DIAPH1: variants seen among roughly 807,000 people sequenced by gnomAD.
DIAPH1 encodes the protein diaphanous related formin 1.
Under a neutral mutation model 140.7 loss-of-function variants are expected in DIAPH1, and 46 were observed. The ratio of observed to expected loss-of-function variants is 0.33; its 90% confidence interval spans 0.26 to 0.42. DIAPH1 has a LOEUF of 0.42. Ranked by LOEUF, DIAPH1 falls within the 10% of genes least tolerant of loss-of-function variation. DIAPH1 has a pLI of 1.00. For missense variants in DIAPH1, 1,310 were observed against 1,558.7 expected (o/e 0.84, Z 2.69); for synonymous variants, 565 against 551.6 (o/e 1.02, Z -0.34).
At chr5:141,571,258 T>C (rs895736122) in intron 18 of DIAPH1, among the ~76,000 whole-genome samples, 170 bp downstream of exon 18, 1 of 152,224 alleles carries the variant, frequency 6.6e-6, no homozygotes, top group South Asian at 2.1e-4. Flanking sequence ...CCAAAGCTAT[T>C]GGTCATTTTG....
chr5:141,536,782 T>C (rs1562291093), intron 18 of DIAPH1, among the ~76,000 whole-genome samples: 1 of 151,980 alleles, frequency 6.6e-6, no homozygotes, highest in East Asian at 1.9e-4. Flanking sequence ...GATGTGTTGT[T>C]GAAGGAGGAG....
chr5:141,555,618 A>T (rs538372410), intron 18 of DIAPH1, among the ~76,000 whole-genome samples: 1 of 152,330 alleles, frequency 6.6e-6, no homozygotes, highest in East Asian at 1.9e-4. Flanking sequence ...CCTAAAAACA[A>T]CATCAAGGGC....
chr5:141,618,916 T>C lies in DIAPH1; in HGVS notation c.-2A>G, dbSNP rs1474390693. On this transcript the variant is annotated 5_prime_UTR_variant, in exon 1 of 28. Transcript: ENST00000389054. ...CAGGCTCCCGCCGGGCGGCTCCATG[T>C]CCCGGTTCACGCTGGCCGGCGACCC... 6.7e-7 allele frequency: 1 copy of C among 1,497,824 alleles called. No homozygotes were observed. The highest frequency in any genetic ancestry group is 8.9e-7 in the Non-Finnish European group (1 of 1,120,582). 92.8% of individuals were successfully genotyped at this position (1,497,824 alleles called of 1,614,324 possible).
At chr5:141,615,290 G>C (rs1240857251) in intron 1 of DIAPH1, among the ~76,000 whole-genome samples, 1 of 151,316 alleles carries the variant, frequency 6.6e-6, no homozygotes, top group African/African-American at 2.4e-5. Context: ...AAAATTAGCT[G>C]GGTGTGGCGG....
intron 1 of DIAPH1, among the ~76,000 whole-genome samples, chr5:141,614,049 G>A (rs1374559904): frequency 6.6e-6 from 1 of 152,124 alleles, no homozygotes; most frequent in Admixed American, 6.6e-5. Flanking sequence ...ATGCTTTGCT[G>A]GTAGCATAAA....
chr5:141,577,413 A>T, intron 12 of DIAPH1, 62 bp downstream of exon 12: 2 of 1,147,454 alleles, frequency 1.7e-6, no homozygotes, highest in Non-Finnish European at 1.3e-6. Flanking sequence ...CTTTGAATTT[A>T]AGGAATTCAC....
chr5:141,563,739 C>T (rs1254657174), intron 18 of DIAPH1: 1 of 152,194 alleles, frequency 6.6e-6, no homozygotes, highest in African/African-American at 2.4e-5. Context: ...TACAGGCACA[C>T]ACTAAAGCTG....
intron 1 of DIAPH1, among the ~76,000 whole-genome samples, chr5:141,603,217 C>T (rs2099900435): frequency 6.6e-6 from 1 of 152,200 alleles, no homozygotes; most frequent in African/African-American, 2.4e-5. Context: ...GCAGCTCCTC[C>T]ATTTGGTTCA....
chr5:141,575,166 G>C lies in DIAPH1; in HGVS notation c.1462-20C>G. ...GTCCAACTAGAGAAAAAACGAATCAGGCTCCCAGCAAGCTCTCCATCTCAG... is the reference window on the plus strand; with the variant it reads ...GTCCAACTAGAGAAAAAACGAATCACGCTCCCAGCAAGCTCTCCATCTCAG... On this transcript the variant is annotated intron_variant, in intron 14 of 27. Transcript: ENST00000389054. The C allele has an allele frequency of 6.2e-7, 1 of 1,613,764 alleles. No homozygotes were observed. Among genetic ancestry groups the C allele is most frequent in the Non-Finnish European group, 8.5e-7 (1 of 1,179,688 alleles).
intron 1 of DIAPH1, among the ~76,000 whole-genome samples, chr5:141,602,405 C>T (rs2099900288): frequency 6.6e-6 from 1 of 152,068 alleles, no homozygotes; most frequent in Non-Finnish European, 1.5e-5. Flanking sequence ...TTAGTAGAGA[C>T]GGGGTTTCAC....
intron 14 of DIAPH1, 78 bp downstream of exon 14, chr5:141,576,152 C>T (rs2099895937): frequency 1.6e-6 from 2 of 1,241,898 alleles, no homozygotes; most frequent in African/African-American, 1.5e-5. Flanking sequence ...CAGAGGAAAA[C>T]TGTCTCATAG....
At chr5:141,543,573 A>G (rs186331110) in intron 18 of DIAPH1, among the ~76,000 whole-genome samples, 25 of 152,334 alleles carry the variant, frequency 1.6e-4, no homozygotes, top group Admixed American at 5.2e-4. Flanking sequence ...TTTTGATTCA[A>G]AATTCATTAT....
At chr5:141,520,440 C>T (rs1173020231) in intron 27 of DIAPH1, among the ~76,000 whole-genome samples, 1 of 152,084 alleles carries the variant, frequency 6.6e-6, no homozygotes, top group Non-Finnish European at 1.5e-5. Flanking sequence ...GTGCCCTCCC[C>T]ACAGTAATGA....
chr5:141,545,952 T>G (rs2099890734), intron 18 of DIAPH1, among the ~76,000 whole-genome samples: 1 of 152,148 alleles, frequency 6.6e-6, no homozygotes, highest in Non-Finnish European at 1.5e-5. Context: ...TATAGTAAGA[T>G]CCTAATTTTA....
At chr5:141,605,697 A>C (rs72792327) in intron 1 of DIAPH1, among the ~76,000 whole-genome samples, 3,572 of 152,286 alleles carry the variant, frequency 0.023, 56 homozygotes, top group East Asian at 0.046. Context: ...GTGTCCTCCT[A>C]ATTTTAAGAG....
chr5:141,544,951 G>C (rs2099890561), intron 18 of DIAPH1, among the ~76,000 whole-genome samples: 1 of 152,152 alleles, frequency 6.6e-6, no homozygotes, highest in African/African-American at 2.4e-5. Flanking sequence ...GTATGCAAAC[G>C]TTTCTATCAG....
chr5:141,573,783 TGG>T lies in DIAPH1; in HGVS notation c.2065_2066del (p.Pro689ThrfsTer85). ...PPLPGSARIP[P>X]PPPPLPGSAG... is the part of the protein sequence containing the mutation. ...CACTCCCAGGCAAAGGAGGTGGTGG[TGG>T]GGGGATTCTAGCACTCCCAGGCAAA... On this transcript the variant is annotated frameshift_variant, in exon 16 of 28. Transcript: ENST00000389054. LOFTEE classifies it high-confidence loss of function. 1 of 852,480 alleles carries T rather than the reference TGG, an allele frequency of 1.2e-6. No homozygotes were observed. The highest frequency in any genetic ancestry group is 1.5e-6 in the Non-Finnish European group (1 of 683,974). 52.8% of individuals were successfully genotyped at this position (852,480 alleles called of 1,614,324 possible). A position where few individuals can be genotyped will look rare whatever the true frequency, so the allele number is the denominator to read the frequency against.
At chr5:141,598,009 T>G (rs1056809020) in intron 1 of DIAPH1, among the ~76,000 whole-genome samples, 1 of 152,184 alleles carries the variant, frequency 6.6e-6, no homozygotes, top group Non-Finnish European at 1.5e-5. Context: ...GATGCTCAAC[T>G]GTGGTGAACC....
intron 1 of DIAPH1, among the ~76,000 whole-genome samples, chr5:141,591,243 C>T (rs2099898351): frequency 1.3e-5 from 2 of 152,088 alleles, no homozygotes; most frequent in Admixed American, 1.3e-4. Flanking sequence ...GATCCCTCCT[C>T]TAAATGGATA....
Sources: allele counts gnomAD v4.1 joint callset (sites outside exome capture counted in the v4.1 genomes callset), GRCh38; gene constraint gnomAD v4.1.1; transcripts MANE v1.5; gene names NCBI Gene and HGNC (gene_info 2026-07-23, HGNC 2026-07-21).